ABLIM1: variants seen among roughly 807,000 people sequenced by gnomAD.
ABLIM1 encodes actin binding LIM protein 1.
ABLIM1 carries 40 observed loss-of-function variants against 107.0 expected under a neutral mutation model. The observed-to-expected ratio is 0.37, with a 90% confidence interval of 0.29 to 0.49. ABLIM1 has a LOEUF of 0.49. Ranked by LOEUF, ABLIM1 falls within the 20% of genes least tolerant of loss-of-function variation. The pLI, the probability that ABLIM1 is intolerant of heterozygous loss-of-function variation, is 0.97. For missense variants in ABLIM1, 857 were observed against 1,008.5 expected (o/e 0.85, Z 2.04); for synonymous variants, 357 against 357.3 (o/e 1.00, Z 0.01).
intron 17 of ABLIM1, among the ~76,000 whole-genome samples, chr10:114,443,672 T>TAAAAAAA (rs11418258): frequency 7.5e-5 from 8 of 107,324 alleles, no homozygotes; most frequent in Non-Finnish European, 1.3e-4. Flanking sequence ...TCATGTTATC[T>TAAAAAAA]AAAAAAAAAA....
At chr10:114,449,325 A>G (rs1487427469) in intron 14 of ABLIM1, among the ~76,000 whole-genome samples, 1 of 152,232 alleles carries the variant, frequency 6.6e-6, no homozygotes. Context: ...CTGGGCTTAC[A>G]TATTTTAAAA....
At chr10:114,640,099 C>A (rs2078670320) in intron 1 of ABLIM1, among the ~76,000 whole-genome samples, 1 of 152,172 alleles carries the variant, frequency 6.6e-6, no homozygotes, top group Non-Finnish European at 1.5e-5. Context: ...ACCACTCACA[C>A]CAAAAATGAT....
intron 6 of ABLIM1, among the ~76,000 whole-genome samples, chr10:114,496,457 C>G (rs2059679585): frequency 6.6e-6 from 1 of 151,402 alleles, no homozygotes; most frequent in South Asian, 2.1e-4. Context: ...AATGAGAACA[C>G]ACGGACACAG....
At chr10:114,666,439 C>T (rs949212206) in intron 1 of ABLIM1, among the ~76,000 whole-genome samples, 1 of 151,934 alleles carries the variant, frequency 6.6e-6, no homozygotes. Flanking sequence ...AAATAAATCA[C>T]AAAGAAACTA....
At chr10:114,705,458 G>A (rs911837893) in intron 1 of ABLIM1, among the ~76,000 whole-genome samples, 1 of 152,150 alleles carries the variant, frequency 6.6e-6, no homozygotes, top group African/African-American at 2.4e-5. Context: ...AGGGCAAGGC[G>A]AAGACCTCAA....
intron 1 of ABLIM1, among the ~76,000 whole-genome samples, chr10:114,636,312 G>A (rs916639884): frequency 6.6e-6 from 1 of 152,198 alleles, no homozygotes; most frequent in Non-Finnish European, 1.5e-5. Flanking sequence ...ACAGGTGACA[G>A]AGGGCCCTCA....
intron 8 of ABLIM1, among the ~76,000 whole-genome samples, chr10:114,476,885 C>T (rs1416616166): frequency 6.6e-6 from 1 of 152,082 alleles, no homozygotes; most frequent in Non-Finnish European, 1.5e-5. Context: ...AATGAAACCT[C>T]TTAAGTAGCA....
At chr10:114,453,714 G>C (rs538843003) in intron 12 of ABLIM1, among the ~76,000 whole-genome samples, 1 of 152,150 alleles carries the variant, frequency 6.6e-6, no homozygotes, top group Non-Finnish European at 1.5e-5. Flanking sequence ...AGCAGCTAGC[G>C]GTCAGGTGCG....
chr10:114,636,461 T>C (rs1399602550), intron 1 of ABLIM1, among the ~76,000 whole-genome samples: 4 of 152,224 alleles, frequency 2.6e-5, no homozygotes, highest in African/African-American at 9.6e-5. Flanking sequence ...CCATATTGCC[T>C]CCTGCCTCCA....
At chr10:114,637,290 AACAATCCTTAT>A (rs2140881059) in intron 1 of ABLIM1, among the ~76,000 whole-genome samples, 1 of 152,272 alleles carries the variant, frequency 6.6e-6, no homozygotes, top group South Asian at 2.1e-4. Flanking sequence ...AGATCTGAAA[AACAATCCTTAT>A]ACTCTCTGTT....
chr10:114,472,520 C>T (rs1350618033), intron 10 of ABLIM1, among the ~76,000 whole-genome samples: 1 of 152,122 alleles, frequency 6.6e-6, no homozygotes, highest in Admixed American at 6.5e-5. Flanking sequence ...GACTGTTGCC[C>T]CATGCGCTCT....
intron 12 of ABLIM1, among the ~76,000 whole-genome samples, chr10:114,464,616 T>C (rs1565390160): frequency 6.6e-6 from 1 of 152,240 alleles, no homozygotes; most frequent in Admixed American, 6.5e-5. Flanking sequence ...TTTCATTTAA[T>C]GTAATTCAAT....
intron 4 of ABLIM1, among the ~76,000 whole-genome samples, chr10:114,569,236 A>G (rs1375527544): frequency 1.3e-5 from 2 of 152,074 alleles, no homozygotes; most frequent in Non-Finnish European, 2.9e-5. Context: ...CATTCCCATG[A>G]TGGGCCTTGT....
rs556446443 is a variant in ABLIM1 at position 114,571,425 on chromosome 10, C to T, written c.564-19G>A. The T allele has an allele frequency of 8.1e-6, 13 of 1,608,128 alleles. No individual in the cohort carries two copies. Among genetic ancestry groups the T allele is most frequent in the Admixed American group, 5.0e-5 (3 of 60,012 alleles). On this transcript the variant is annotated intron_variant, in intron 3 of 22. Transcript: ENST00000533213. ...CGGGCGCCTGGAGGCAGAAAGACAT[C>T]GCCCTCAAGGTTATTGCAGCAATTT... is the stretch of plus-strand genomic sequence containing the variant.
chr10:114,588,487 CTTTTTTTTT>C (rs34043960), intron 2 of ABLIM1, among the ~76,000 whole-genome samples: 2 of 76,560 alleles, frequency 2.6e-5, no homozygotes, highest in South Asian at 6.3e-4. Flanking sequence ...TTCTTTCTTT[CTTTTTTTTT>C]TTTTTTTTTT....
chr10:114,625,816 C>T (rs112614926), intron 1 of ABLIM1, among the ~76,000 whole-genome samples: 1 of 152,264 alleles, frequency 6.6e-6, no homozygotes, highest in South Asian at 2.1e-4. Context: ...TTTCTACATG[C>T]TAGCTAAGTG....
At chr10:114,521,638 C>T (rs368586194) in intron 6 of ABLIM1, among the ~76,000 whole-genome samples, 2 of 152,084 alleles carry the variant, frequency 1.3e-5, no homozygotes, top group South Asian at 2.1e-4. Flanking sequence ...GAAATTTACT[C>T]GGTAGTCAAC....
At chr10:114,622,331 C>T (rs926671778) in intron 1 of ABLIM1, among the ~76,000 whole-genome samples, 4 of 150,192 alleles carry the variant, frequency 2.7e-5, no homozygotes, top group Non-Finnish European at 4.4e-5. Context: ...ATCGCATCCT[C>T]GACCTCCAGG....
intron 6 of ABLIM1, among the ~76,000 whole-genome samples, chr10:114,496,511 G>A (rs948237573): frequency 5.9e-5 from 9 of 152,054 alleles, no homozygotes; most frequent in South Asian, 2.1e-4. Context: ...GGAGGGTGGC[G>A]GGGGAAGAGC....
Sources: allele counts gnomAD v4.1 joint callset (sites outside exome capture counted in the v4.1 genomes callset), GRCh38; gene constraint gnomAD v4.1.1; transcripts MANE v1.5; gene names NCBI Gene and HGNC (gene_info 2026-07-23, HGNC 2026-07-21).